The following DMBT1 variants were observed in gnomAD, a reference collection of about 807,000 sequenced individuals.
DMBT1 encodes the protein scavenger receptor cysteine-rich domain-containing protein DMBT1.
A neutral mutation model predicts 252.9 loss-of-function variants in DMBT1; 198 were observed. That is an observed-to-expected ratio of 0.78 (90% CI 0.70 to 0.88). The LOEUF is 0.88. Among genes scored for constraint, DMBT1 ranks in the 40% least tolerant of loss-of-function variants. The pLI, the probability that DMBT1 is intolerant of heterozygous loss-of-function variation, is 0.00. For synonymous variants in DMBT1, 990 were observed against 942.7 expected (o/e 1.05, Z -0.92); for missense variants, 2,432 against 2,404.7 (o/e 1.01, Z -0.24).
chr10:122,561,958 T>C (rs1425729924), intron 1 of DMBT1, among the ~76,000 whole-genome samples: 1 of 149,710 alleles, frequency 6.7e-6, no homozygotes, highest in Non-Finnish European at 1.5e-5. Flanking sequence ...ACCTTTCCTC[T>C]CTCTCTCTAT....
intron 53 of DMBT1, among the ~76,000 whole-genome samples, chr10:122,636,740 A>G (rs1187337388): frequency 6.6e-6 from 1 of 152,264 alleles, no homozygotes; most frequent in East Asian, 1.9e-4. Flanking sequence ...AGGGTCTCTT[A>G]TGCAGTCAGG....
At position 122,586,466 on chromosome 10, in the gene DMBT1, A is replaced by G. The variant is rs2097790519; in HGVS notation, c.1783+83A>G. On this transcript the variant is annotated intron_variant, in intron 16 of 55. Transcript: ENST00000338354. ...TTATTATGTTCTAATCTCCTCACTT[A>G]GAGCTTTTTCAACTTTTCCTATATT... 10 of 1,533,212 alleles carry G rather than the reference A, an allele frequency of 6.5e-6. 1 individual carries two copies. Among genetic ancestry groups the G allele is most frequent in the Non-Finnish European group, 8.8e-6 (10 of 1,138,520 alleles). The allele number at this position is 1,533,212 out of a possible 1,614,324, so 95.0% of individuals were successfully genotyped here. A position where few individuals can be genotyped will look rare whatever the true frequency, so the allele number is the denominator to read the frequency against.
At chr10:122,625,069 G>T (rs150637950) in intron 44 of DMBT1, among the ~76,000 whole-genome samples, 4 of 152,280 alleles carry the variant, frequency 2.6e-5, no homozygotes, top group African/African-American at 4.8e-5. Flanking sequence ...GCAAACAAGG[G>T]TTCAATCTAC....
At position 122,640,066 on chromosome 10, in the gene DMBT1, C is replaced by A; in HGVS notation, c.6969C>A (p.Ser2323=). The change falls in exon 55 of 56, where the codon TCC becomes TCA. Residue 2323 remains serine, a synonymous_variant. Transcript: ENST00000338354. ...CAGACAATGACACCATCGACTATTCCAACTTCCTCACAGCAGCTGTCTCAG... is the reference window on the plus strand; with the variant it reads ...CAGACAATGACACCATCGACTATTCAAACTTCCTCACAGCAGCTGTCTCAG... ...KQADNDTIDY[S]NFLTAAVSGG... is the part of the protein sequence containing the mutation. 3.1e-6 allele frequency: 5 copies of A among 1,613,950 alleles called. No individual in the cohort carries two copies. The highest frequency in any genetic ancestry group is 4.2e-6 in the Non-Finnish European group (5 of 1,179,846).
chr10:122,626,074 C>A, intron 46 of DMBT1, 109 bp downstream of exon 46: 2 of 883,630 alleles, frequency 2.3e-6, no homozygotes, highest in Non-Finnish European at 3.9e-6. Context: ...TCAATCTGCA[C>A]ATAGCCCTGG....
At chr10:122,597,754 C>G (rs187799644) in intron 24 of DMBT1, among the ~76,000 whole-genome samples, 1 of 152,142 alleles carries the variant, frequency 6.6e-6, no homozygotes, top group African/African-American at 2.4e-5. Context: ...AGAGGACATC[C>G]CACACTTCAG....
intron 7 of DMBT1, among the ~76,000 whole-genome samples, chr10:122,577,142 C>G (rs1452679174): frequency 6.6e-6 from 1 of 152,214 alleles, no homozygotes; most frequent in Non-Finnish European, 1.5e-5. Flanking sequence ...GCTTTTTATT[C>G]TGCTCCAGGA....
intron 54 of DMBT1, among the ~76,000 whole-genome samples, chr10:122,637,633 A>C (rs971852441): frequency 6.6e-5 from 10 of 152,198 alleles, no homozygotes; most frequent in African/African-American, 2.4e-4. Context: ...AAGCTTATAC[A>C]GTTAGGGTTG....
At chr10:122,568,488 T>C (rs2097624208) in intron 2 of DMBT1, among the ~76,000 whole-genome samples, 1 of 151,976 alleles carries the variant, frequency 6.6e-6, no homozygotes, top group African/African-American at 2.4e-5. Context: ...AGAAAGATTG[T>C]AAATAAGCAG....
intron 1 of DMBT1, among the ~76,000 whole-genome samples, chr10:122,563,084 G>A (rs1228433909): frequency 6.6e-6 from 1 of 152,212 alleles, no homozygotes; most frequent in African/African-American, 2.4e-5. Flanking sequence ...CTTTGCGCTG[G>A]AAGTACCGAG....
chr10:122,591,435 C>T (rs2097848271), intron 18 of DMBT1, 44 bp from the exon 19 acceptor site: 1 of 1,559,514 alleles, frequency 6.4e-7, no homozygotes, highest in African/African-American at 1.3e-5. Context: ...GAGCTTTTCT[C>T]CCTCAACTTT....
At position 122,589,238 on chromosome 10, in the gene DMBT1, A is replaced by C. The variant is rs1009032765; in HGVS notation, c.2078A>C (p.His693Pro). 26 of 1,588,456 alleles carry C rather than the reference A, an allele frequency of 1.6e-5. No individual in the cohort carries two copies. The highest frequency in any genetic ancestry group is 2.2e-5 in the Non-Finnish European group (26 of 1,165,786). The change falls in exon 17 of 56, where the codon CAT (histidine) becomes CCT (proline). Residue 693 changes from histidine to proline, a missense_variant. Physicochemically the swap from His to Pro is moderately conservative, Grantham distance 77. Around this residue, in one of 3 missense-constraint regions of DMBT1, gnomAD observed 1,264 missense variants for 1,082.2 expected, o/e 1.17. Coordinates refer to ENST00000338354, the MANE Select transcript of DMBT1 (RefSeq NM_001377530.1). Reference protein sequence around the residue: ...NNGWLSHNCGHHEDAGVICSA... With the variant: ...NNGWLSHNCGPHEDAGVICSA... ...GGCTGGCTCTCCCACAACTGTGGCC[A>C]TCATGAAGATGCTGGTGTCATCTGC...
At chr10:122,589,341 C>T in intron 17 of DMBT1, 74 bp downstream of exon 17, 13 of 1,566,622 alleles carry the variant, frequency 8.3e-6, no homozygotes, top group Non-Finnish European at 1.1e-5. Context: ...ATGTTCTAAT[C>T]TCCTCACTCA....
chr10:122,643,485 C>T lies in DMBT1; in HGVS notation c.*87C>T. On this transcript the variant is annotated 3_prime_UTR_variant, in exon 56 of 56. Transcript: ENST00000338354. ...TGTTCCTCTTGGTGTCATATTCCAA[C>T]TCAGATTGAGCCCTACATTGTGCTG... 4 of 1,484,238 alleles carry T rather than the reference C, an allele frequency of 2.7e-6. No homozygotes were observed. The highest frequency in any genetic ancestry group is 2.6e-5 in the South Asian group (2 of 76,354). The allele number at this position is 1,484,238 out of a possible 1,614,324, so 91.9% of individuals were successfully genotyped here. A position where few individuals can be genotyped will look rare whatever the true frequency, so the allele number is the denominator to read the frequency against.
intron 47 of DMBT1, 91 bp downstream of exon 47, chr10:122,630,084 C>T: frequency 6.5e-7 from 1 of 1,544,212 alleles, no homozygotes; most frequent in South Asian, 1.2e-5. Flanking sequence ...ATGCTTTTCA[C>T]TCTCATGTGC....
At chr10:122,587,437 G>A (rs1306172908) in intron 16 of DMBT1, among the ~76,000 whole-genome samples, 2 of 148,886 alleles carry the variant, frequency 1.3e-5, no homozygotes, top group African/African-American at 4.9e-5. Flanking sequence ...CCTGTGCACC[G>A]GTCAGGTGTG....
chr10:122,580,622 T>C (rs1217456753), intron 10 of DMBT1, among the ~76,000 whole-genome samples: 1 of 151,984 alleles, frequency 6.6e-6, no homozygotes, highest in Non-Finnish European at 1.5e-5. Context: ...TTGGTTTAGG[T>C]CAACCGGGTT....
chr10:122,623,270 G>A (rs921246605), intron 44 of DMBT1, among the ~76,000 whole-genome samples: 1 of 152,204 alleles, frequency 6.6e-6, no homozygotes, highest in African/African-American at 2.4e-5. Context: ...ATATTCCATT[G>A]TATGGCTACG....
intron 9 of DMBT1, 75 bp from the exon 10 acceptor site, chr10:122,579,503 C>A (rs979766856): frequency 8.1e-6 from 13 of 1,605,668 alleles, no homozygotes; most frequent in Non-Finnish European, 9.3e-6. Flanking sequence ...TAGGAAGTAC[C>A]CTGAGTGTGG....
Sources: gnomAD v4.1 joint callset for allele counts (sites outside exome capture counted in the v4.1 genomes callset) on GRCh38, gnomAD v4.1.1 for gene constraint, gnomAD v4.1.1 regional missense constraint, MANE v1.5 for transcripts, NCBI Gene and HGNC (gene_info 2026-07-23, HGNC 2026-07-21) for gene names.